The following NPLOC4 variants were observed in gnomAD, a reference collection of about 807,000 sequenced individuals.
NPLOC4 encodes NPL4 homolog, ubiquitin recognition factor, also known as nuclear protein localization protein 4 homolog.
Under a neutral mutation model 80.6 loss-of-function variants are expected in NPLOC4, and 18 were observed. The observed-to-expected ratio is 0.22, with a 90% confidence interval of 0.15 to 0.33. The LOEUF (loss-of-function observed/expected upper bound fraction) is 0.33. Ranked by LOEUF, NPLOC4 falls within the 10% of genes least tolerant of loss-of-function variation. The pLI is 1.00. For synonymous variants in NPLOC4, 313 were observed against 301.5 expected (o/e 1.04, Z -0.39); for missense variants, 540 against 786.1 (o/e 0.69, Z 3.74).
chr17:81,630,141 G>A (rs1479152256), intron 1 of NPLOC4, among the ~76,000 whole-genome samples: 1 of 147,438 alleles, frequency 6.8e-6, no homozygotes, highest in Admixed American at 6.8e-5. Context: ...CATGAACCAT[G>A]AATGAACTGT....
At chr17:81,628,918 G>A (rs1397603775) in intron 2 of NPLOC4, among the ~76,000 whole-genome samples, 2 of 145,750 alleles carry the variant, frequency 1.4e-5, no homozygotes, top group Non-Finnish European at 3.0e-5. Context: ...TCACTCTGTC[G>A]CCCAGGCTGG....
At chr17:81,628,720 TAAG>T (rs1011469151) in intron 2 of NPLOC4, among the ~76,000 whole-genome samples, 1 of 152,050 alleles carries the variant, frequency 6.6e-6, no homozygotes, top group African/African-American at 2.4e-5. Context: ...GAAGATAAGC[TAAG>T]AAGTACATAA....
chr17:81,616,320 C>CAAA (rs56118520), intron 3 of NPLOC4, among the ~76,000 whole-genome samples: 4 of 38,442 alleles, frequency 1.0e-4, no homozygotes, highest in South Asian at 1.1e-3. Flanking sequence ...GACTCTGTCT[C>CAAA]AAAAAAAAAA....
chr17:81,588,919 GTTCT>G (rs2034660513), intron 12 of NPLOC4, 21 bp downstream of exon 12: 7 of 1,603,132 alleles, frequency 4.4e-6, no homozygotes, highest in Non-Finnish European at 6.0e-6. Flanking sequence ...CATGTACAGA[GTTCT>G]TTTTCTTACC....
At chr17:81,597,435 G>A (rs2034941791) in intron 9 of NPLOC4, 119 bp from the exon 10 acceptor site, 1 of 754,068 alleles carries the variant, frequency 1.3e-6, no homozygotes, top group Admixed American at 2.1e-5. Flanking sequence ...AGAATCACGA[G>A]GTTAAGAGAT....
chr17:81,609,265 G>T (rs1035880849), intron 5 of NPLOC4, among the ~76,000 whole-genome samples: 1 of 152,114 alleles, frequency 6.6e-6, no homozygotes, highest in Non-Finnish European at 1.5e-5. Context: ...TGATCCACCC[G>T]CCTTGGCCTC....
intron 2 of NPLOC4, among the ~76,000 whole-genome samples, chr17:81,623,254 G>A (rs919676056): frequency 7.3e-5 from 11 of 150,958 alleles, no homozygotes; most frequent in Admixed American, 2.0e-4. Flanking sequence ...GGTGGATCAC[G>A]AGGCCAGGAG....
intron 1 of NPLOC4, among the ~76,000 whole-genome samples, chr17:81,635,481 G>A (rs986181766): frequency 2.0e-5 from 3 of 152,078 alleles, no homozygotes; most frequent in African/African-American, 4.8e-5. Context: ...GAGAGATGAT[G>A]GAACCACCAG....
chr17:81,597,085 C>T (rs573068263), intron 10 of NPLOC4, among the ~76,000 whole-genome samples, 160 bp downstream of exon 10: 1 of 152,118 alleles, frequency 6.6e-6, no homozygotes, highest in Non-Finnish European at 1.5e-5. Flanking sequence ...TGCACTCCAG[C>T]CTGGGCAAAA....
Position 81,600,442 on chromosome 17 carries a change from A to G in NPLOC4, c.835-15T>C. On this transcript the variant is annotated splice_polypyrimidine_tract_variant and intron_variant, in intron 8 of 16. Transcript: ENST00000331134. Reference sequence around the variant, plus strand: ...TGTGTACCAATCTGCAGGGAATCAAAGGGAGAAGATGGACTTAGAGCAGAG... The same window carrying G: ...TGTGTACCAATCTGCAGGGAATCAAGGGGAGAAGATGGACTTAGAGCAGAG... The G allele has an allele frequency of 6.2e-7, 1 of 1,603,488 alleles. No individual in the cohort carries two copies. Among genetic ancestry groups the G allele is most frequent in the Non-Finnish European group, 8.5e-7 (1 of 1,173,106 alleles).
At chr17:81,630,078 G>C (rs2035890799) in intron 1 of NPLOC4, among the ~76,000 whole-genome samples, 1 of 151,406 alleles carries the variant, frequency 6.6e-6, no homozygotes, top group Non-Finnish European at 1.5e-5. Flanking sequence ...TATTTATAGA[G>C]TATATGTAAA....
In NPLOC4 at chr17:81,610,908, C is replaced by T. The variant is rs1313039655; in HGVS notation, c.387-650G>A. On this transcript the variant is annotated intron_variant, in intron 4 of 16. Transcript: ENST00000331134. ...CGGAGCTTGCAGTGAGCCGAGATTG[C>T]GCCACTGCAGTCCGCAGTCCGGCCT... is the stretch of plus-strand genomic sequence containing the variant. Among the ~76,000 whole-genome samples, 7 of 33,086 alleles carry T rather than the reference C, an allele frequency of 2.1e-4. 3 individuals are homozygous for T. Among genetic ancestry groups the T allele is most frequent in the Non-Finnish European group, 5.9e-4 (5 of 8,482 alleles). The allele number at this position is 33,086 out of a possible 152,430, so 21.7% of individuals were successfully genotyped here. A position where few individuals can be genotyped will look rare whatever the true frequency, so the allele number is the denominator to read the frequency against.
intron 12 of NPLOC4, among the ~76,000 whole-genome samples, chr17:81,582,787 C>T (rs1349322609): frequency 6.6e-6 from 1 of 152,254 alleles, no homozygotes; most frequent in Non-Finnish European, 1.5e-5. Flanking sequence ...GAGTCTTGTC[C>T]CTGTGTGATG....
chr17:81,562,236 C>T (rs892069030), intron 16 of NPLOC4: 2 of 151,514 alleles, frequency 1.3e-5, no homozygotes, highest in Non-Finnish European at 2.9e-5. Flanking sequence ...CGTCTCAAAA[C>T]AAAACAAAAC....
At chr17:81,610,083 A>G (rs1201690274) in intron 5 of NPLOC4, 127 bp downstream of exon 5, 4 of 750,636 alleles carry the variant, frequency 5.3e-6, no homozygotes, top group Non-Finnish European at 4.5e-6. Flanking sequence ...GCCCAGGGCA[A>G]TAAATAGGTA....
Position 81,583,201 on chromosome 17 carries a change from C to A in NPLOC4, c.1281+5743G>T, listed in dbSNP as rs1387267896. On this transcript the variant is annotated intron_variant, in intron 12 of 16. Transcript: ENST00000331134. ...CGAAAAACCTTCCTCCCCAGCAATT[C>A]TATTTTGAAGATATACAAAGATGTC... 2.0e-5 allele frequency among the ~76,000 whole-genome samples: 3 copies of A among 152,226 alleles called. No homozygotes were observed. In the East Asian group the frequency reaches 5.8e-4, roughly 29 times the overall value.
intron 13 of NPLOC4, among the ~76,000 whole-genome samples, chr17:81,571,466 C>G (rs1263355520): frequency 6.6e-6 from 1 of 152,192 alleles, no homozygotes; most frequent in Non-Finnish European, 1.5e-5. Context: ...GAGTTCCACC[C>G]AGTAAACCAC....
intron 15 of NPLOC4, 43 bp from the exon 16 acceptor site, chr17:81,565,650 G>GGT (rs1568116463): frequency 7.1e-7 from 1 of 1,412,048 alleles, no homozygotes; most frequent in Non-Finnish European, 9.5e-7. Context: ...CTGTGCCTAA[G>GGT]GTGAGCAGCT....
At chr17:81,611,177 G>A (rs1042068683) in intron 4 of NPLOC4, among the ~76,000 whole-genome samples, 4 of 151,770 alleles carry the variant, frequency 2.6e-5, no homozygotes, top group African/African-American at 7.3e-5. Flanking sequence ...AAAATTAGCC[G>A]GACGTGGTGG....
Sources: allele counts gnomAD v4.1 joint callset (sites outside exome capture counted in the v4.1 genomes callset), GRCh38; gene constraint gnomAD v4.1.1; transcripts MANE v1.5; gene names NCBI Gene and HGNC (gene_info 2026-07-23, HGNC 2026-07-21).